Variants in PNPLA1 observed in about 807,000 individuals in gnomAD.
PNPLA1 encodes omega-hydroxyceramide transacylase.
In PNPLA1, 36 loss-of-function variants were observed where a neutral mutation model predicts 51.7. That is an observed-to-expected ratio of 0.70 (90% CI 0.53 to 0.92). The LOEUF (loss-of-function observed/expected upper bound fraction) is 0.92. Ranked by LOEUF, PNPLA1 falls within the 40% of genes least tolerant of loss-of-function variation. The pLI, the probability that PNPLA1 is intolerant of heterozygous loss-of-function variation, is 0.00. For missense variants in PNPLA1, 658 were observed against 682.5 expected (o/e 0.96, Z 0.40); for synonymous variants, 293 against 280.1 (o/e 1.05, Z -0.46).
chr6:36,280,944 C>T (rs570102748), intron 1 of PNPLA1, among the ~76,000 whole-genome samples: 2 of 152,236 alleles, frequency 1.3e-5, no homozygotes, highest in Non-Finnish European at 2.9e-5. Flanking sequence ...CACGTGCCAC[C>T]ATGTCTGGCT....
At chr6:36,268,277 G>A (rs567838080), upstream of PNPLA1, among the ~76,000 whole-genome samples, 10 of 152,186 alleles carry the variant, frequency 6.6e-5, no homozygotes, top group East Asian at 1.9e-4. Flanking sequence ...CAGACGTGCC[G>A]TGTGCCAGGC....
At chr6:36,302,567 C>T (rs547018323) in intron 6 of PNPLA1, 98 bp downstream of exon 6, 7 of 1,457,394 alleles carry the variant, frequency 4.8e-6, no homozygotes, top group African/African-American at 1.4e-5. Flanking sequence ...TTTAGGGGTG[C>T]GTGGCTGAAG....
intron 1 of PNPLA1, among the ~76,000 whole-genome samples, chr6:36,258,036 G>A (rs1486858786): frequency 6.6e-6 from 1 of 152,030 alleles, no homozygotes; most frequent in Non-Finnish European, 1.5e-5. Flanking sequence ...CATTGCCCAG[G>A]CTGGTCTAGA....
At chr6:36,252,903 G>A (rs1159623393) in intron 1 of PNPLA1, among the ~76,000 whole-genome samples, 4 of 152,184 alleles carry the variant, frequency 2.6e-5, no homozygotes, top group East Asian at 1.9e-4. Context: ...ATAGAGGGCC[G>A]GGCGTGGTGG....
chr6:36,280,383 G>A (rs1365034763), intron 1 of PNPLA1, among the ~76,000 whole-genome samples: 1 of 152,162 alleles, frequency 6.6e-6, no homozygotes, highest in Non-Finnish European at 1.5e-5. Flanking sequence ...AAACACCCTA[G>A]GATTATTGCT....
chr6:36,309,123 G>A (rs1395303699), intron 8 of PNPLA1, among the ~76,000 whole-genome samples: 3 of 152,158 alleles, frequency 2.0e-5, no homozygotes, highest in East Asian at 1.9e-4. Flanking sequence ...AGGCTCACCC[G>A]GCGGCCAAAG....
chr6:36,253,161 C>G (rs2127312846), intron 1 of PNPLA1, among the ~76,000 whole-genome samples: 1 of 152,256 alleles, frequency 6.6e-6, no homozygotes, highest in African/African-American at 2.4e-5. Flanking sequence ...GCCTAGAAGA[C>G]AGAGCGAGAC....
chr6:36,281,952 T>C (rs1435253975), intron 1 of PNPLA1, among the ~76,000 whole-genome samples: 1 of 149,546 alleles, frequency 6.7e-6, no homozygotes, highest in African/African-American at 2.5e-5. Flanking sequence ...ACCCAGGAGA[T>C]GGGGAGGTTG....
intron 1 of PNPLA1, among the ~76,000 whole-genome samples, chr6:36,279,265 C>T (rs1421404470): frequency 1.3e-5 from 2 of 152,244 alleles, no homozygotes; most frequent in African/African-American, 2.4e-5. Context: ...AGCACAACTT[C>T]TCCCATGGAG....
At chr6:36,262,691 A>G (rs1233313229) in intron 1 of PNPLA1, among the ~76,000 whole-genome samples, 1 of 152,244 alleles carries the variant, frequency 6.6e-6, no homozygotes, top group Non-Finnish European at 1.5e-5. Context: ...AAATGGTAGC[A>G]TACTATATTG....
chr6:36,245,454 G>C (rs1397028830), intron 1 of PNPLA1, among the ~76,000 whole-genome samples: 1 of 152,150 alleles, frequency 6.6e-6, no homozygotes. Context: ...GGCTAGCTAG[G>C]TGCCTGGAAC....
intron 1 of PNPLA1, among the ~76,000 whole-genome samples, chr6:36,281,661 C>CAAGCAACATGACAGCTTTCTTGTT (rs1770285793): frequency 1.3e-5 from 2 of 152,154 alleles, no homozygotes; most frequent in African/African-American, 4.8e-5. Flanking sequence ...AATTGCTTTG[C>CAAGCAACATGACAGCTTTCTTGTT]AAGCAACATG....
chr6:36,277,245 G>A (rs1464233148), intron 1 of PNPLA1, among the ~76,000 whole-genome samples: 1 of 152,188 alleles, frequency 6.6e-6, no homozygotes, highest in Non-Finnish European at 1.5e-5. Context: ...TGCCATATCT[G>A]CACTCCAGCT....
chr6:36,278,006 T>C (rs918480647), intron 1 of PNPLA1, among the ~76,000 whole-genome samples: 2 of 152,230 alleles, frequency 1.3e-5, no homozygotes, highest in Admixed American at 6.5e-5. Flanking sequence ...CAATGCACCA[T>C]GGCACCTACT....
At chr6:36,279,536 G>A (rs1281712798) in intron 1 of PNPLA1, among the ~76,000 whole-genome samples, 3 of 152,210 alleles carry the variant, frequency 2.0e-5, no homozygotes, top group Non-Finnish European at 4.4e-5. Flanking sequence ...TTACTCAGTT[G>A]AGGAATGAGA....
At chr6:36,282,404 T>A (rs1475925844) in intron 1 of PNPLA1, among the ~76,000 whole-genome samples, 1 of 152,260 alleles carries the variant, frequency 6.6e-6, no homozygotes, top group Non-Finnish European at 1.5e-5. Flanking sequence ...CAAATGAACT[T>A]ATGCTTTACA....
intron 1 of PNPLA1, among the ~76,000 whole-genome samples, chr6:36,261,714 G>A (rs1769653075): frequency 6.6e-6 from 1 of 152,190 alleles, no homozygotes; most frequent in African/African-American, 2.4e-5. Flanking sequence ...TAGGAGGCAA[G>A]TTTGATTATT....
chr6:36,291,138 A>C (rs1168112903), intron 1 of PNPLA1, among the ~76,000 whole-genome samples, 182 bp from the exon 2 acceptor site: 1 of 152,130 alleles, frequency 6.6e-6, no homozygotes, highest in Non-Finnish European at 1.5e-5. Flanking sequence ...TTCCTTCCTC[A>C]ATATCTTGCT....
intron 1 of PNPLA1, among the ~76,000 whole-genome samples, chr6:36,258,947 T>G (rs955523237): frequency 2.6e-5 from 4 of 152,204 alleles, no homozygotes; most frequent in African/African-American, 9.6e-5. Context: ...TCAGGACTGG[T>G]CTGAATTTCT....
Sources: gnomAD v4.1 joint callset for allele counts (sites outside exome capture counted in the v4.1 genomes callset) on GRCh38, gnomAD v4.1.1 for gene constraint, MANE v1.5 for transcripts, NCBI Gene and HGNC (gene_info 2026-07-23, HGNC 2026-07-21) for gene names.